The following PITX3 variants were observed in gnomAD, a reference collection of about 807,000 sequenced individuals.
PITX3 encodes the protein pituitary homeobox 3.
Under a neutral mutation model 14.2 loss-of-function variants are expected in PITX3, and 4 were observed. The ratio of observed to expected loss-of-function variants is 0.28; its 90% confidence interval spans 0.14 to 0.65. The LOEUF (loss-of-function observed/expected upper bound fraction) is 0.65. PITX3 is among the 30% of genes least tolerant of loss of function. The probability of loss-of-function intolerance (pLI) is 0.82; values close to 1 mark genes in which losing one functional copy is unlikely to be tolerated. For synonymous variants in PITX3, 194 were observed against 204.5 expected (o/e 0.95, Z 0.44); for missense variants, 358 against 426.8 (o/e 0.84, Z 1.42).
chr10:102,233,955 T>C (rs1384810360), intron 1 of PITX3, among the ~76,000 whole-genome samples: 1 of 152,144 alleles, frequency 6.6e-6, no homozygotes, highest in Non-Finnish European at 1.5e-5. Flanking sequence ...TGGGCAATAC[T>C]GGGGCTCAAG....
intron 3 of PITX3, 47 bp downstream of exon 3, chr10:102,231,541 G>T: frequency 1.5e-6 from 2 of 1,312,808 alleles, no homozygotes; most frequent in Non-Finnish European, 2.1e-6. Context: ...CGCAGGCTGA[G>T]CGCGGAGGGC....
At chr10:102,231,187 G>C in intron 3 of PITX3, 86 bp from the exon 4 acceptor site, 1 of 1,291,994 alleles carries the variant, frequency 7.7e-7, no homozygotes, top group Non-Finnish European at 1.0e-6. Context: ...GCTTCCAGCC[G>C]GGGCCCTGCG....
chr10:102,233,359 A>G (rs1289918418), intron 1 of PITX3, among the ~76,000 whole-genome samples: 2 of 131,372 alleles, frequency 1.5e-5, no homozygotes, highest in Admixed American at 9.2e-5. Context: ...GCTGGAGTGC[A>G]GTGGTATGAT....
At chr10:102,240,106 G>A (rs2070493368) in intron 1 of PITX3, among the ~76,000 whole-genome samples, 1 of 152,238 alleles carries the variant, frequency 6.6e-6, no homozygotes, top group Admixed American at 6.5e-5. Flanking sequence ...CCTGCCCACT[G>A]TAGGGAAGGA....
chr10:102,239,900 T>C (rs576096601), intron 1 of PITX3, among the ~76,000 whole-genome samples: 2 of 152,174 alleles, frequency 1.3e-5, no homozygotes, highest in African/African-American at 4.8e-5. Context: ...GGCCAAGATA[T>C]CCTTCCCAAC....
chr10:102,240,696 AAGTC>A (rs1203420426), intron 1 of PITX3, among the ~76,000 whole-genome samples: 1 of 152,224 alleles, frequency 6.6e-6, no homozygotes, highest in Admixed American at 6.5e-5. Flanking sequence ...AGGCGGCCTC[AAGTC>A]AGGACCCTTC....
chr10:102,231,476 G>A, intron 3 of PITX3, 112 bp downstream of exon 3: 1 of 710,676 alleles, frequency 1.4e-6, no homozygotes, highest in East Asian at 2.7e-5. Context: ...GCCAGGGTCC[G>A]GGGTCCGGGG....
At chr10:102,240,932 C>T (rs1428349482) in intron 1 of PITX3, among the ~76,000 whole-genome samples, 1 of 152,200 alleles carries the variant, frequency 6.6e-6, no homozygotes, top group Non-Finnish European at 1.5e-5. Flanking sequence ...GTCAACTGCC[C>T]CCACACTGGG....
At chr10:102,238,581 C>T (rs538069194) in intron 1 of PITX3, among the ~76,000 whole-genome samples, 3 of 152,278 alleles carry the variant, frequency 2.0e-5, no homozygotes, top group East Asian at 3.9e-4. Context: ...AAGTCTCAGC[C>T]CCACTTTTCC....
rs774799524 is a variant in PITX3, at chr10:102,231,672, C to A, written c.237G>T (p.Ala79=). ...FTSQQLQELE[A]TFQRNRYPDM... is the part of the protein sequence containing the mutation. The stretch of plus-strand genomic sequence containing the variant: ...CGGGGTAGCGGTTCCTCTGGAAGGT[C>A]GCCTCTAGCTCCTGTAGCTGCTGGC... The change falls in exon 3 of 4, where the codon GCG becomes GCT. Residue 79 remains alanine, a synonymous_variant. Coordinates refer to ENST00000370002, the MANE Select transcript of PITX3 (RefSeq NM_005029.4). The A allele has an allele frequency of 1.1e-5, 18 of 1,612,174 alleles. No individual in the cohort carries two copies. The Admixed American group carries it at 2.5e-4, about 22-fold the overall frequency.
intron 2 of PITX3, 72 bp downstream of exon 2, chr10:102,231,890 GC>G: frequency 6.4e-7 from 1 of 1,555,964 alleles, no homozygotes; most frequent in Non-Finnish European, 8.8e-7. Context: ...CACCGGGGCT[GC>G]CCAGCCGGGG....
At chr10:102,236,056 A>G (rs2070385466) in intron 1 of PITX3, among the ~76,000 whole-genome samples, 1 of 152,206 alleles carries the variant, frequency 6.6e-6, no homozygotes, top group African/African-American at 2.4e-5. Flanking sequence ...AAAGAACAGT[A>G]AAGCCAGGCA....
In PITX3 at chr10:102,233,315, T is replaced by TG. The variant is rs1480880845; in HGVS notation, c.-12-1224_-12-1223insC. Among the ~76,000 whole-genome samples the TG allele has an allele frequency of 4.1e-5, 6 of 146,338 alleles. 1 individual carries two copies. The highest frequency in any genetic ancestry group is 2.7e-4 in the Admixed American group (4 of 14,798). ...TTTTTTTTTTCCTTCTTTTTTTTTT[T>TG]TTTTTTGAGATGGAGTCTCGCTTTG... On this transcript the variant is annotated intron_variant, in intron 1 of 3. Transcript: ENST00000370002.
At position 102,230,251 on chromosome 10, in the gene PITX3, G is replaced by A. The variant is rs1590404487; in HGVS notation, c.*263C>T. ...ACGAGGGAGGGGAAGCCTGGAGAAG[G>A]CGGGATGGGCCAAGGGTGAGTTGGC... On this transcript the variant is annotated 3_prime_UTR_variant, in exon 4 of 4. Transcript: ENST00000370002. 2.2e-6 allele frequency: 1 copy of A among 456,392 alleles called. No individual in the cohort carries two copies. The highest frequency in any genetic ancestry group is 3.4e-5 in the East Asian group (1 of 29,260). The allele number at this position is 456,392 out of a possible 1,614,324, so 28.3% of individuals were successfully genotyped here.
At position 102,241,021 on chromosome 10, in the gene PITX3, G is replaced by A. The variant is rs894204344; in HGVS notation, c.-13+312C>T. ...CCTGGCCGCCTGCCCCGTGCCCTGG[G>A]ATTCCAGGGCGCTTTCTGGTAATGG... On this transcript the variant is annotated intron_variant, in intron 1 of 3. Coordinates refer to ENST00000370002, the MANE Select transcript of PITX3 (RefSeq NM_005029.4). The surrounding 1 kb of genome is among the most constrained non-coding windows in gnomAD (Gnocchi z 6.7). 6.6e-6 allele frequency among the ~76,000 whole-genome samples: 1 copy of A among 151,392 alleles called. No homozygotes were observed.
chr10:102,233,784 T>C (rs552515557), intron 1 of PITX3, among the ~76,000 whole-genome samples: 1 of 152,194 alleles, frequency 6.6e-6, no homozygotes, highest in Non-Finnish European at 1.5e-5. Context: ...CTCCAGGCCA[T>C]AGGCAGGAGC....
At chr10:102,233,461 G>A (rs971055188) in intron 1 of PITX3, among the ~76,000 whole-genome samples, 12 of 151,714 alleles carry the variant, frequency 7.9e-5, no homozygotes, top group African/African-American at 2.4e-4. Context: ...GTGCCCCCAC[G>A]CCTGGCTAAT....
chr10:102,230,948 T>C lies in PITX3; in HGVS notation c.475A>G (p.Lys159Glu). 6.2e-7 allele frequency: 1 copy of C among 1,608,564 alleles called. No individual in the cohort carries two copies. The highest frequency in any genetic ancestry group is 8.5e-7 in the Non-Finnish European group (1 of 1,178,166). ...PGYSYGNWPPKALAPPLAAKT... is the reference protein window; with the variant it reads ...PGYSYGNWPPEALAPPLAAKT... ...GCGGCGAGCGGCGGGGCAAGAGCCT[T>C]GGGCGGCCAGTTGCCGTACGAGTAG... The change falls in exon 4 of 4, where the codon AAG becomes GAG. Residue 159 changes from lysine (K) to glutamate (E), a missense_variant. Transcript: ENST00000370002.
At chr10:102,238,187 C>T (rs1362199418) in intron 1 of PITX3, among the ~76,000 whole-genome samples, 3 of 152,172 alleles carry the variant, frequency 2.0e-5, no homozygotes, top group African/African-American at 7.2e-5. Flanking sequence ...TTTCATGAGT[C>T]CCTGGCAGTG....
Sources: gnomAD v4.1 joint callset for allele counts (sites outside exome capture counted in the v4.1 genomes callset) on GRCh38, gnomAD v4.1.1 for gene constraint, Gnocchi (gnomAD v3.1) non-coding constraint, MANE v1.5 for transcripts, NCBI Gene and HGNC (gene_info 2026-07-23, HGNC 2026-07-21) for gene names.